The following SPOCK1 variants were observed in gnomAD, a reference collection of about 807,000 sequenced individuals.
SPOCK1 encodes the protein SPARC (osteonectin), cwcv and kazal like domains proteoglycan 1, also known as testican-1.
A neutral mutation model predicts 55.3 loss-of-function variants in SPOCK1; 23 were observed. That is an observed-to-expected ratio of 0.42 (90% CI 0.30 to 0.59). The LOEUF (loss-of-function observed/expected upper bound fraction) is 0.59, where lower values mean the gene tolerates loss of function less well. Among genes scored for constraint, SPOCK1 ranks in the 20% least tolerant of loss-of-function variants. The pLI, the probability that SPOCK1 is intolerant of heterozygous loss-of-function variation, is 0.22. For missense variants in SPOCK1, 499 were observed against 552.5 expected (o/e 0.90, Z 0.97); for synonymous variants, 226 against 221.0 (o/e 1.02, Z -0.20).
chr5:137,469,137 A>C (rs1753680941), intron 2 of SPOCK1, among the ~76,000 whole-genome samples: 1 of 152,200 alleles, frequency 6.6e-6, no homozygotes, highest in Admixed American at 6.5e-5. Context: ...TTGGCCTTTA[A>C]CAAACATCTT....
intron 3 of SPOCK1, among the ~76,000 whole-genome samples, chr5:137,187,453 C>T (rs887685458): frequency 2.0e-5 from 3 of 152,190 alleles, no homozygotes; most frequent in African/African-American, 7.2e-5. Context: ...CCCTTCTACC[C>T]TCTAGTTACC....
chr5:137,245,776 CAAAAAA>C (rs143599362), intron 3 of SPOCK1, among the ~76,000 whole-genome samples: 45 of 140,870 alleles, frequency 3.2e-4, no homozygotes, highest in Non-Finnish European at 4.8e-4. Context: ...CAAAACAAAA[CAAAAAA>C]AAAACAAAAA....
Position 137,141,453 on chromosome 5 carries a change from C to G in SPOCK1, c.233-759G>C, listed in dbSNP as rs1580772991. Among the ~76,000 whole-genome samples, 6 of 152,178 alleles carry G rather than the reference C, an allele frequency of 3.9e-5. No homozygotes were observed. The South Asian group carries it at 1.2e-3, about 32-fold the overall frequency. Reference sequence around the variant, plus strand: ...CAATAAACACTATGTGCATAAACAACCTATTTTAAGTTTTTGAAGAACTTC... The same window carrying G: ...CAATAAACACTATGTGCATAAACAAGCTATTTTAAGTTTTTGAAGAACTTC... On this transcript the variant is annotated intron_variant, in intron 3 of 10. Coordinates refer to ENST00000394945, the MANE Select transcript of SPOCK1 (RefSeq NM_004598.4).
chr5:137,457,970 T>G (rs1410302279), intron 2 of SPOCK1, among the ~76,000 whole-genome samples: 1 of 152,156 alleles, frequency 6.6e-6, no homozygotes, highest in East Asian at 1.9e-4. Flanking sequence ...TGGCAGCCAG[T>G]GCACTGCTAG....
chr5:137,416,721 ACT>A (rs1211788444), intron 2 of SPOCK1, among the ~76,000 whole-genome samples: 5 of 152,098 alleles, frequency 3.3e-5, no homozygotes, highest in Non-Finnish European at 7.4e-5. Context: ...AGCATTTTAC[ACT>A]CTCAGCAACA....
chr5:137,405,407 C>T (rs547628009), intron 2 of SPOCK1, among the ~76,000 whole-genome samples: 1 of 152,212 alleles, frequency 6.6e-6, no homozygotes, highest in Admixed American at 6.5e-5. Context: ...GGGAGAAGGG[C>T]CAGAGGCAGG....
At chr5:137,183,820 G>A (rs187459897) in intron 3 of SPOCK1, among the ~76,000 whole-genome samples, 1 of 152,340 alleles carries the variant, frequency 6.6e-6, no homozygotes, top group Admixed American at 6.5e-5. Flanking sequence ...AGGCACAGAG[G>A]TAGAGAATCA....
chr5:137,161,147 T>C (rs571044972), intron 3 of SPOCK1, among the ~76,000 whole-genome samples: 6 of 148,212 alleles, frequency 4.0e-5, no homozygotes, highest in African/African-American at 1.5e-4. Context: ...TATATATATC[T>C]CTAATATATA....
At chr5:137,280,573 T>G (rs1301296630) in intron 2 of SPOCK1, among the ~76,000 whole-genome samples, 2 of 152,246 alleles carry the variant, frequency 1.3e-5, no homozygotes, top group East Asian at 3.8e-4. Context: ...ACAGTAATTA[T>G]GTCCTAGATC....
chr5:137,198,217 C>T (rs1208034259), intron 3 of SPOCK1, among the ~76,000 whole-genome samples: 1 of 152,214 alleles, frequency 6.6e-6, no homozygotes, highest in Non-Finnish European at 1.5e-5. Context: ...AGTTCACCAA[C>T]AAATGTTTCA....
chr5:137,437,600 T>C (rs1019863641), intron 2 of SPOCK1, among the ~76,000 whole-genome samples: 3 of 152,220 alleles, frequency 2.0e-5, no homozygotes, highest in African/African-American at 7.2e-5. Flanking sequence ...TTTAAAACAA[T>C]TTTTAATTGA....
intron 2 of SPOCK1, among the ~76,000 whole-genome samples, chr5:137,415,713 A>C (rs1269345453): frequency 1.3e-5 from 2 of 152,210 alleles, no homozygotes; most frequent in Non-Finnish European, 2.9e-5. Context: ...TTATTTTCTT[A>C]ACCAAGAGTC....
intron 2 of SPOCK1, among the ~76,000 whole-genome samples, chr5:137,473,845 G>A (rs182103310): frequency 1.2e-4 from 18 of 152,240 alleles, no homozygotes; most frequent in African/African-American, 4.3e-4. Context: ...AAAGCCAAAT[G>A]CCCATCAATC....
chr5:137,335,761 T>G lies in SPOCK1; in HGVS notation c.187-68706A>C, dbSNP rs1389538961. Among the ~76,000 whole-genome samples the G allele has an allele frequency of 2.0e-5, 3 of 152,322 alleles. No homozygotes were observed. The East Asian group carries it at 5.8e-4, about 29-fold the overall frequency. On this transcript the variant is annotated intron_variant, in intron 2 of 10. Coordinates refer to ENST00000394945, the MANE Select transcript of SPOCK1 (RefSeq NM_004598.4). ...AAGCAAACGTTAATTAACTTGCATATTGCATGTGCACACACACCAGTCCCC... is the reference window on the plus strand; with the variant it reads ...AAGCAAACGTTAATTAACTTGCATAGTGCATGTGCACACACACCAGTCCCC...
At chr5:137,086,291 G>A (rs1488706010) in intron 5 of SPOCK1, among the ~76,000 whole-genome samples, 1 of 152,002 alleles carries the variant, frequency 6.6e-6, no homozygotes, top group Non-Finnish European at 1.5e-5. Flanking sequence ...AGATATAAAG[G>A]GCTTACCTTC....
intron 5 of SPOCK1, among the ~76,000 whole-genome samples, chr5:137,084,641 GCT>G (rs775289777): frequency 6.6e-6 from 1 of 152,008 alleles, no homozygotes; most frequent in Non-Finnish European, 1.5e-5. Context: ...AAAAAGGAAT[GCT>G]CTGTTAAAGA....
At chr5:137,166,742 T>C (rs76253535) in intron 3 of SPOCK1, among the ~76,000 whole-genome samples, 1,981 of 152,222 alleles carry the variant, frequency 0.013, 15 homozygotes, top group Non-Finnish European at 0.019. Flanking sequence ...TAAGTTGTTA[T>C]CAGCTTAAAA....
intron 2 of SPOCK1, among the ~76,000 whole-genome samples, chr5:137,339,620 C>CT (rs1421000111): frequency 5.3e-5 from 8 of 151,072 alleles, no homozygotes; most frequent in African/African-American, 1.2e-4. Context: ...CTTAAAGCTC[C>CT]TTTTTTTTTC....
At chr5:137,422,229 A>C (rs1212105590) in intron 2 of SPOCK1, among the ~76,000 whole-genome samples, 1 of 152,034 alleles carries the variant, frequency 6.6e-6, no homozygotes, top group Non-Finnish European at 1.5e-5. Flanking sequence ...TTTTTCCTTC[A>C]TTTCAACTTT....
Sources: allele counts gnomAD v4.1 joint callset (sites outside exome capture counted in the v4.1 genomes callset), GRCh38; gene constraint gnomAD v4.1.1; transcripts MANE v1.5; gene names NCBI Gene and HGNC (gene_info 2026-07-23, HGNC 2026-07-21).